Variants in CDH4 observed in about 807,000 individuals in gnomAD.
The protein encoded by CDH4 is cadherin 4, also known as cadherin-4.
A neutral mutation model predicts 86.0 loss-of-function variants in CDH4; 33 were observed. The observed-to-expected ratio is 0.38, with a 90% CI of 0.29 to 0.51. CDH4 has a LOEUF of 0.51. CDH4 is among the 20% of genes least tolerant of loss of function. CDH4 has a pLI of 0.86. For synonymous variants in CDH4, 555 were observed against 549.4 expected (o/e 1.01, Z -0.14); for missense variants, 1,114 against 1,307.4 (o/e 0.85, Z 2.28).
chr20:61,827,793 G>A (rs931520570), intron 4 of CDH4, among the ~76,000 whole-genome samples: 7 of 152,158 alleles, frequency 4.6e-5, no homozygotes, highest in Non-Finnish European at 7.3e-5. Context: ...ACTCAGAGAC[G>A]ACAGGGTCAC....
intron 2 of CDH4, among the ~76,000 whole-genome samples, chr20:61,731,270 C>T (rs1038425623): frequency 5.3e-5 from 8 of 152,080 alleles, no homozygotes; most frequent in African/African-American, 1.9e-4. Flanking sequence ...TCGTGACATT[C>T]TCCTCACCCC....
At chr20:61,762,558 C>T (rs894236571) in intron 3 of CDH4, among the ~76,000 whole-genome samples, 11 of 152,196 alleles carry the variant, frequency 7.2e-5, no homozygotes, top group African/African-American at 2.7e-4. Flanking sequence ...TCTTCTCTTC[C>T]TTGGTGGAAT....
At chr20:61,722,923 G>A (rs1490863650) in intron 2 of CDH4, among the ~76,000 whole-genome samples, 1 of 152,142 alleles carries the variant, frequency 6.6e-6, no homozygotes, top group African/African-American at 2.4e-5. Flanking sequence ...GAGAGTATCC[G>A]CTGATTCTTT....
chr20:61,684,249 G>A lies in CDH4; in HGVS notation c.170-59314G>A, dbSNP rs80274824. Among the ~76,000 whole-genome samples the A allele has an allele frequency of 0.046, 6,939 of 152,250 alleles. 299 individuals are homozygous for A. Among genetic ancestry groups the A allele is most frequent in the African/African-American group, 0.1 (4,225 of 41,526 alleles). ...GTGCTGTGAATGAGGGGGACTGGCC[G>A]GCCTGGGAAGTGGCCTGGGAGGTGC... On this transcript the variant is annotated intron_variant, in intron 2 of 15. Coordinates refer to ENST00000614565, the MANE Select transcript of CDH4 (RefSeq NM_001794.5). This position sits in a 1 kb window ranked among gnomAD's most constrained non-coding sequence, Gnocchi z 4.5.
At chr20:61,872,770 C>T (rs1265366581) in intron 6 of CDH4, among the ~76,000 whole-genome samples, 1 of 152,228 alleles carries the variant, frequency 6.6e-6, no homozygotes, top group Non-Finnish European at 1.5e-5. Context: ...GTGAGAGAGC[C>T]CGCCGTGCCA....
At chr20:61,604,740 G>A (rs73917303) in intron 2 of CDH4, among the ~76,000 whole-genome samples, 8,138 of 150,916 alleles carry the variant, frequency 0.054, 562 homozygotes, top group African/African-American at 0.16. Flanking sequence ...GTCATTTCTT[G>A]GACAAGTCAT....
intron 2 of CDH4, among the ~76,000 whole-genome samples, chr20:61,390,338 T>C (rs1316542539): frequency 7.4e-6 from 1 of 135,478 alleles, no homozygotes; most frequent in African/African-American, 3.0e-5. Flanking sequence ...CATAGCACCA[T>C]GTCTAGGAAA....
At chr20:61,277,827 C>T (rs757216543) in intron 2 of CDH4, among the ~76,000 whole-genome samples, 23 of 152,174 alleles carry the variant, frequency 1.5e-4, no homozygotes, top group African/African-American at 5.6e-4. Context: ...GGACGGCCTC[C>T]GCTTTCCTGT....
chr20:61,507,568 CAG>C (rs1180247621), intron 2 of CDH4, among the ~76,000 whole-genome samples: 1 of 152,056 alleles, frequency 6.6e-6, no homozygotes, highest in Non-Finnish European at 1.5e-5. Context: ...TTAAGAAAAA[CAG>C]ACGATTTTTC....
At chr20:61,776,587 G>T (rs562676209) in intron 4 of CDH4, among the ~76,000 whole-genome samples, 1 of 152,322 alleles carries the variant, frequency 6.6e-6, no homozygotes, top group African/African-American at 2.4e-5. Flanking sequence ...TGCCCAGAAC[G>T]TCACTGCAGA....
intron 2 of CDH4, among the ~76,000 whole-genome samples, chr20:61,652,166 A>G (rs1568734381): frequency 6.6e-6 from 1 of 152,184 alleles, no homozygotes; most frequent in Non-Finnish European, 1.5e-5. Flanking sequence ...AGTACATAAT[A>G]TACACTCATG....
chr20:61,817,255 C>T (rs1014788784), intron 4 of CDH4, among the ~76,000 whole-genome samples: 3 of 152,204 alleles, frequency 2.0e-5, no homozygotes, highest in East Asian at 1.9e-4. Flanking sequence ...AAGGCAGGGG[C>T]CCCCGAGTGA....
chr20:61,561,985 C>G (rs543280844), intron 2 of CDH4, among the ~76,000 whole-genome samples: 1 of 149,988 alleles, frequency 6.7e-6, no homozygotes, highest in African/African-American at 2.5e-5. Context: ...GAGGGACCTT[C>G]GTGTGGAGAG....
chr20:61,361,937 C>A (rs984004839), intron 2 of CDH4, among the ~76,000 whole-genome samples: 3 of 152,350 alleles, frequency 2.0e-5, no homozygotes, highest in African/African-American at 7.2e-5. Flanking sequence ...GGATCCTGTG[C>A]ACAGCAAGTA....
chr20:61,491,418 C>G (rs1158191024), intron 2 of CDH4, among the ~76,000 whole-genome samples: 1 of 152,130 alleles, frequency 6.6e-6, no homozygotes, highest in East Asian at 1.9e-4. Flanking sequence ...ACTCGTGATG[C>G]TGGTAACTTC....
chr20:61,600,060 ACTGT>A (rs770097338), intron 2 of CDH4: 60 of 630,588 alleles, frequency 9.5e-5, no homozygotes, highest in African/African-American at 9.1e-4. Context: ...ATTTGAACAG[ACTGT>A]CTGACTCTCC....
At position 61,829,587 on chromosome 20, in the gene CDH4, G is replaced by A. The variant is rs770881056; in HGVS notation, c.577-15081G>A. Among the ~76,000 whole-genome samples, 6 of 152,318 alleles carry A rather than the reference G, an allele frequency of 3.9e-5. No individual in the cohort carries two copies. Among genetic ancestry groups the A allele is most frequent in the East Asian group, 1.9e-4 (1 of 5,178 alleles). On this transcript the variant is annotated intron_variant, in intron 4 of 15. Transcript: ENST00000614565. This position sits in a 1 kb window ranked among gnomAD's most constrained non-coding sequence, Gnocchi z 4.2. Reference sequence around the variant, plus strand: ...AGGCCACGAGCCTGTTTTCCACGGCGGCTCTGCGGGCCTCCTGTTGAGGAA... The same window carrying A: ...AGGCCACGAGCCTGTTTTCCACGGCAGCTCTGCGGGCCTCCTGTTGAGGAA...
intron 2 of CDH4, among the ~76,000 whole-genome samples, chr20:61,649,698 G>T (rs1014856368): frequency 1.3e-5 from 2 of 152,180 alleles, no homozygotes; most frequent in African/African-American, 4.8e-5. Flanking sequence ...TTTGGAAACC[G>T]CAGAGCAGCT....
chr20:61,580,990 C>G (rs1600778251), intron 2 of CDH4, among the ~76,000 whole-genome samples: 1 of 152,322 alleles, frequency 6.6e-6, no homozygotes, highest in Non-Finnish European at 1.5e-5. Flanking sequence ...TTCCAGACCT[C>G]ATGAGCATTA....
Sources: allele counts gnomAD v4.1 joint callset (sites outside exome capture counted in the v4.1 genomes callset), GRCh38; gene constraint gnomAD v4.1.1; non-coding constraint Gnocchi (gnomAD v3.1); transcripts MANE v1.5; gene names NCBI Gene and HGNC (gene_info 2026-07-23, HGNC 2026-07-21).